Variants in ANO6 observed in about 807,000 individuals in gnomAD.
ANO6 encodes anoctamin-6.
ANO6 carries 106 observed loss-of-function variants against 117.5 expected under a neutral mutation model. The ratio of observed to expected loss-of-function variants is 0.90; its 90% CI spans 0.77 to 1.06. ANO6 has a LOEUF of 1.06. ANO6 is among the 50% of genes least tolerant of loss of function. ANO6 has a pLI of 0.00. For synonymous variants in ANO6, 367 were observed against 385.1 expected (o/e 0.95, Z 0.55); for missense variants, 955 against 1,121.1 (o/e 0.85, Z 2.12).
chr12:45,326,164 G>A (rs1207504350), intron 2 of ANO6, among the ~76,000 whole-genome samples: 2 of 152,108 alleles, frequency 1.3e-5, no homozygotes, highest in Admixed American at 6.6e-5. Flanking sequence ...TTTAACACAG[G>A]CAAATGGAAA....
intron 1 of ANO6, among the ~76,000 whole-genome samples, chr12:45,300,371 G>A (rs796741625): frequency 2.3e-4 from 35 of 152,152 alleles, no homozygotes; most frequent in African/African-American, 8.4e-4. Flanking sequence ...TTGTAAAGAT[G>A]TCTAACCATG....
chr12:45,230,434 A>G (rs1044279333), intron 1 of ANO6, among the ~76,000 whole-genome samples: 2 of 149,290 alleles, frequency 1.3e-5, no homozygotes, highest in African/African-American at 4.9e-5. Flanking sequence ...TGTATAAAAT[A>G]TTTAACATAT....
At chr12:45,345,442 T>C (rs1941104499) in intron 3 of ANO6, among the ~76,000 whole-genome samples, 1 of 152,120 alleles carries the variant, frequency 6.6e-6, no homozygotes, top group South Asian at 2.1e-4. Context: ...GTTCCCTGGG[T>C]AAAGTGTCTG....
At chr12:45,434,003 G>A (rs542093626), downstream of ANO6, among the ~76,000 whole-genome samples, 11 of 152,232 alleles carry the variant, frequency 7.2e-5, no homozygotes, top group South Asian at 1.9e-3. Flanking sequence ...CCTCATTCCC[G>A]AAAACAGTTC....
rs1036659207 is a variant in ANO6, at chr12:45,430,699, C to T, written c.*1388C>T. On this transcript the variant is annotated 3_prime_UTR_variant, in exon 20 of 20. Coordinates refer to ENST00000320560, the MANE Select transcript of ANO6 (RefSeq NM_001025356.3). ...ACCATTATCTGGAGATTACTTCCTG[C>T]TGCACTCCTGTCTTGCCATGCACGT... 4.1e-6 allele frequency: 4 copies of T among 985,462 alleles called. No homozygotes were observed. In the South Asian group the frequency reaches 1.9e-4, roughly 46 times the overall value. The allele number at this position is 985,462 out of a possible 1,614,324, so 61.0% of individuals were successfully genotyped here.
chr12:45,326,052 A>G (rs1234327990), intron 2 of ANO6, among the ~76,000 whole-genome samples: 1 of 152,186 alleles, frequency 6.6e-6, no homozygotes, highest in Non-Finnish European at 1.5e-5. Context: ...CTTCCTTGGC[A>G]TGAACTAGAG....
chr12:45,263,016 T>G (rs1166621147), intron 1 of ANO6, among the ~76,000 whole-genome samples: 1 of 152,038 alleles, frequency 6.6e-6, no homozygotes, highest in Admixed American at 6.6e-5. Flanking sequence ...GAGGGGAACT[T>G]AACTTGAGGT....
Position 45,421,103 on chromosome 12 carries a change from C to A in ANO6, c.2250C>A (p.Ile750=). The A allele has an allele frequency of 6.2e-7, 1 of 1,614,234 alleles. No individual in the cohort carries two copies. Residue 750 remains isoleucine (I), a synonymous_variant, in exon 18 of 20, where the codon ATC becomes ATA. Transcript: ENST00000320560. ...TCATAGCTTTCACGTCGGACATGAT[C>A]CCCCGCCTAGTGTACTACTGGTCCT... is the stretch of plus-strand genomic sequence containing the variant. ...AMIIAFTSDM[I]PRLVYYWSFS... is the part of the protein sequence containing the mutation.
downstream of ANO6, among the ~76,000 whole-genome samples, chr12:45,432,835 C>G (rs192320951): frequency 6.6e-6 from 1 of 152,184 alleles, no homozygotes; most frequent in Non-Finnish European, 1.5e-5. Flanking sequence ...AGGTTGTGTT[C>G]CCTGTCTCCC....
intron 6 of ANO6, among the ~76,000 whole-genome samples, chr12:45,349,511 A>G (rs1234599915): frequency 6.6e-6 from 1 of 152,238 alleles, no homozygotes; most frequent in Non-Finnish European, 1.5e-5. Flanking sequence ...AATAAATTAA[A>G]TACTATATTA....
intron 10 of ANO6, among the ~76,000 whole-genome samples, chr12:45,379,228 T>C (rs1168792070): frequency 6.6e-6 from 1 of 152,226 alleles, no homozygotes; most frequent in Non-Finnish European, 1.5e-5. Flanking sequence ...TTATTTACGG[T>C]GTCCTCAGCA....
At chr12:45,383,680 A>T (rs576136313) in intron 10 of ANO6, among the ~76,000 whole-genome samples, 1 of 152,326 alleles carries the variant, frequency 6.6e-6, no homozygotes, top group African/African-American at 2.4e-5. Context: ...ATGAGCAGTA[A>T]TTTTTTTAAA....
chr12:45,228,221 C>G, intron 1 of ANO6: 2 of 446,486 alleles, frequency 4.5e-6, no homozygotes, highest in Admixed American at 2.4e-5. Context: ...AGCATTGACT[C>G]CCAGACTCAA....
At chr12:45,333,886 TG>T (rs1393370620) in intron 3 of ANO6, among the ~76,000 whole-genome samples, 5 of 152,030 alleles carry the variant, frequency 3.3e-5, no homozygotes, top group Admixed American at 1.3e-4. Flanking sequence ...AAAACTTATG[TG>T]TAAACCATAT....
At chr12:45,407,367 T>C (rs924613136) in intron 15 of ANO6, among the ~76,000 whole-genome samples, 3 of 151,018 alleles carry the variant, frequency 2.0e-5, no homozygotes, top group African/African-American at 7.3e-5. Flanking sequence ...AGGCGGAGGC[T>C]AGAAGTTTGG....
chr12:45,392,640 G>A (rs1002223306), intron 12 of ANO6, among the ~76,000 whole-genome samples: 2 of 152,194 alleles, frequency 1.3e-5, no homozygotes, highest in African/African-American at 2.4e-5. Context: ...TCTCTGGGAC[G>A]AAGCTTCCAG....
chr12:45,436,856 C>A (rs1290075930), downstream of ANO6, among the ~76,000 whole-genome samples: 3 of 152,058 alleles, frequency 2.0e-5, no homozygotes, highest in African/African-American at 7.2e-5. Flanking sequence ...GTAATCTCGG[C>A]TACTAGGGAG....
chr12:45,223,653 C>T (rs1947439114), intron 1 of ANO6, among the ~76,000 whole-genome samples: 1 of 152,122 alleles, frequency 6.6e-6, no homozygotes, highest in African/African-American at 2.4e-5. Flanking sequence ...TTTATCATTC[C>T]CATAACCATA....
intron 19 of ANO6, among the ~76,000 whole-genome samples, chr12:45,425,303 AAG>A (rs1284755377): frequency 1.3e-5 from 2 of 152,166 alleles, no homozygotes; most frequent in Non-Finnish European, 2.9e-5. Flanking sequence ...GAAAATATGA[AAG>A]AGATGTTAAG....
Sources: allele counts gnomAD v4.1 joint callset (sites outside exome capture counted in the v4.1 genomes callset), GRCh38; gene constraint gnomAD v4.1.1; transcripts MANE v1.5; gene names NCBI Gene and HGNC (gene_info 2026-07-23, HGNC 2026-07-21).